The following DDX27 variants were observed in gnomAD, a reference collection of about 807,000 sequenced individuals.
DDX27 encodes DEAD-box helicase 27.
DDX27 carries 42 observed loss-of-function variants against 99.3 expected under a neutral mutation model. The observed-to-expected ratio is 0.42, with a 90% CI of 0.33 to 0.55. The LOEUF (loss-of-function observed/expected upper bound fraction) is 0.55, where lower values mean the gene tolerates loss of function less well. Ranked by LOEUF, DDX27 falls within the 20% of genes least tolerant of loss-of-function variation. The pLI, the probability that DDX27 is intolerant of heterozygous loss-of-function variation, is 0.07. For missense variants in DDX27, 798 were observed against 976.8 expected (o/e 0.82, Z 2.44); for synonymous variants, 329 against 353.8 (o/e 0.93, Z 0.79).
At chr20:49,225,021 G>A (rs757231433) in intron 5 of DDX27, 30 bp downstream of exon 5, 2 of 1,614,110 alleles carry the variant, frequency 1.2e-6, no homozygotes, top group Non-Finnish European at 1.7e-6. Context: ...ACAGTATGCA[G>A]CTTGTTGGCA....
chr20:49,223,195 G>A, intron 3 of DDX27, 73 bp from the exon 4 acceptor site: 19 of 1,505,398 alleles, frequency 1.3e-5, no homozygotes, highest in Non-Finnish European at 1.6e-5. Context: ...AGGCCGGAGA[G>A]CTTCCTATCG....
rs1980297794 is a variant in DDX27, at chr20:49,236,138, G to A, written c.1428-12G>A. 6.2e-7 allele frequency: 1 copy of A among 1,604,936 alleles called. No homozygotes were observed. Among genetic ancestry groups the A allele is most frequent in the African/African-American group, 1.3e-5 (1 of 74,648 alleles). On this transcript the variant is annotated splice_polypyrimidine_tract_variant and intron_variant, in intron 12 of 20. Coordinates refer to ENST00000618172, the MANE Select transcript of DDX27 (RefSeq NM_017895.8). The surrounding 1 kb of genome is among the most constrained non-coding windows in gnomAD (Gnocchi z 4.1). ...GGTGTCTGGATGAACAGCTGTTTGT[G>A]ACTGTTTCTAGGCGTTTTAAGGATG...
chr20:49,221,922 G>A (rs971412350), intron 2 of DDX27, among the ~76,000 whole-genome samples: 1 of 150,756 alleles, frequency 6.6e-6, no homozygotes, highest in Non-Finnish European at 1.5e-5. Context: ...CAGTGTCCCT[G>A]GTTCCCACAC....
intron 1 of DDX27, among the ~76,000 whole-genome samples, chr20:49,219,886 C>T (rs916253915): frequency 2.6e-5 from 4 of 152,096 alleles, no homozygotes; most frequent in Admixed American, 1.3e-4. Flanking sequence ...GTTAGCTGTC[C>T]TTTCGTATGT....
rs576696736 is a variant in DDX27, at chr20:49,227,151, C to T, written c.706+616C>T. Among the ~76,000 whole-genome samples, 35 of 152,022 alleles carry T rather than the reference C, an allele frequency of 2.3e-4. No homozygotes were observed. The East Asian group carries it at 2.3e-3, about 10-fold the overall frequency. ...TGCTGGGATTACAGGCGTGAGCCAC[C>T]GCGCCCGGCCGAGAGTAAAGGACTT... On this transcript the variant is annotated intron_variant, in intron 7 of 20. Transcript: ENST00000618172.
intron 4 of DDX27, among the ~76,000 whole-genome samples, chr20:49,224,123 C>T (rs370384853): frequency 1.3e-5 from 2 of 152,010 alleles, no homozygotes; most frequent in African/African-American, 2.4e-5. Context: ...GCAGTCCTCC[C>T]GCCTTGACCT....
chr20:49,236,880 G>A lies in DDX27; in HGVS notation c.1687+370G>A, dbSNP rs1370432960. On this transcript the variant is annotated intron_variant, in intron 14 of 20. Transcript: ENST00000618172. This position sits in a 1 kb window ranked among gnomAD's most constrained non-coding sequence, Gnocchi z 4.1. Reference sequence around the variant, plus strand: ...GATTTTGTTCCTCTGATCTGTGGGGGTCTTATAAAGCACATCCTCTTTAAA... The same window carrying A: ...GATTTTGTTCCTCTGATCTGTGGGGATCTTATAAAGCACATCCTCTTTAAA... 6.6e-6 allele frequency among the ~76,000 whole-genome samples: 1 copy of A among 152,062 alleles called. No homozygotes were observed. The highest frequency in any genetic ancestry group is 6.6e-5 in the Admixed American group (1 of 15,252).
chr20:49,242,616 G>A lies in DDX27; in HGVS notation c.2139G>A (p.Lys713=), dbSNP rs1332411305. The A allele has an allele frequency of 1.2e-6, 2 of 1,613,768 alleles. No homozygotes were observed. The highest frequency in any genetic ancestry group is 1.7e-6 in the Non-Finnish European group (2 of 1,179,860). ...RGPAKKQKQG[K]KSVFDEELTN... ...CAGCCAAGAAGCAAAAGCAGGGGAAGAAATCTGTATTTGATGAAGAACTCA... is the reference window on the plus strand; with the variant it reads ...CAGCCAAGAAGCAAAAGCAGGGGAAAAAATCTGTATTTGATGAAGAACTCA... Residue 713 remains lysine (K), a synonymous_variant, in exon 19 of 21, where the codon AAG becomes AAA. Transcript: ENST00000618172.
Position 49,226,534 on chromosome 20 carries a change from A to G in DDX27, c.705A>G (p.Thr235=). 1 of 1,613,378 alleles carries G rather than the reference A, an allele frequency of 6.2e-7. No individual in the cohort carries two copies. The highest frequency in any genetic ancestry group is 1.1e-5 in the South Asian group (1 of 90,976). ...TCTGTGCCTGTGCAGCCACTGGGAC[A>G]GGTGAAAAGGATAGGGACCCAGGGT... is the stretch of plus-strand genomic sequence containing the variant. ...KDICACAATG[T]GKTAAFALPV... Residue 235 remains threonine, a splice_region_variant and synonymous_variant, in exon 7 of 21, where the codon ACA becomes ACG. Transcript: ENST00000618172.
Position 49,243,956 on chromosome 20 carries a change from C to A in DDX27, c.*122C>A. The A allele has an allele frequency of 2.5e-6, 3 of 1,219,614 alleles. No homozygotes were observed. Among genetic ancestry groups the A allele is most frequent in the Non-Finnish European group, 2.3e-6 (2 of 863,554 alleles). The allele number at this position is 1,219,614 out of a possible 1,614,324, so 75.5% of individuals were successfully genotyped here. On this transcript the variant is annotated 3_prime_UTR_variant, in exon 21 of 21. Coordinates refer to ENST00000618172, the MANE Select transcript of DDX27 (RefSeq NM_017895.8). ...AAAAAAACAAAAACAAAAAACAACACTTTGGTGTGGTGGTATGGTACGTAG... is the reference window on the plus strand; with the variant it reads ...AAAAAAACAAAAACAAAAAACAACAATTTGGTGTGGTGGTATGGTACGTAG...
At chr20:49,222,520 A>T (rs528158100) in intron 2 of DDX27, among the ~76,000 whole-genome samples, 25 of 145,610 alleles carry the variant, frequency 1.7e-4, no homozygotes, top group African/African-American at 5.3e-4. Context: ...GATTAAAAAA[A>T]TTTTTTTTTT....
Position 49,219,556 on chromosome 20 carries a change from C to T in DDX27, c.93+15C>T. 6.3e-7 allele frequency: 1 copy of T among 1,599,288 alleles called. No individual in the cohort carries two copies. The highest frequency in any genetic ancestry group is 8.5e-7 in the Non-Finnish European group (1 of 1,170,910). Reference sequence around the variant, plus strand: ...AGGAAGAGGAGGTATGAGCACGGTTCTGGTCTTTGGGTTTCCTTGACTGCT... The same window carrying T: ...AGGAAGAGGAGGTATGAGCACGGTTTTGGTCTTTGGGTTTCCTTGACTGCT... On this transcript the variant is annotated intron_variant, in intron 1 of 20. Transcript: ENST00000618172.
Position 49,230,180 on chromosome 20 carries a change from G to A in DDX27, c.881-19G>A, listed in dbSNP as rs1253133269. Reference sequence around the variant, plus strand: ...AGCAGCTGACCTGGCCGCCTGGTGGGGCTCTCTTCTCTTTGCAGGCGGCTT... The same window carrying A: ...AGCAGCTGACCTGGCCGCCTGGTGGAGCTCTCTTCTCTTTGCAGGCGGCTT... On this transcript the variant is annotated intron_variant, in intron 8 of 20. Transcript: ENST00000618172. 2.5e-6 allele frequency: 4 copies of A among 1,602,188 alleles called. No individual in the cohort carries two copies. The highest frequency in any genetic ancestry group is 1.7e-4 in the Middle Eastern group (1 of 5,992).
At chr20:49,241,751 G>A (rs958865391) in intron 16 of DDX27, 142 bp from the exon 17 acceptor site, 11 of 867,068 alleles carry the variant, frequency 1.3e-5, no homozygotes, top group African/African-American at 8.5e-5. Context: ...CTACAGGCAC[G>A]AGCTACTGCA....
At chr20:49,233,863 T>C in intron 11 of DDX27, 154 bp downstream of exon 11, 1 of 791,626 alleles carries the variant, frequency 1.3e-6, no homozygotes, top group Non-Finnish European at 2.0e-6. Flanking sequence ...CCGCTGCCTC[T>C]CTTCTCCACG....
intron 11 of DDX27, 130 bp from the exon 12 acceptor site, chr20:49,234,805 T>C (rs910075639): frequency 1.5e-5 from 16 of 1,096,300 alleles, no homozygotes; most frequent in Non-Finnish European, 1.4e-5. Flanking sequence ...GAATTTGAGT[T>C]CCACAGGACA....
chr20:49,225,224 T>G, intron 6 of DDX27, 25 bp downstream of exon 6: 1 of 1,589,586 alleles, frequency 6.3e-7, no homozygotes, highest in Non-Finnish European at 8.6e-7. Context: ...TCAAAAATTT[T>G]CTTTGTAGAA....
intron 16 of DDX27, among the ~76,000 whole-genome samples, chr20:49,239,575 A>T (rs1290454903): frequency 1.3e-5 from 2 of 152,164 alleles, no homozygotes; most frequent in Non-Finnish European, 2.9e-5. Flanking sequence ...TAGTGCTCTT[A>T]TGAGAATCTA....
intron 7 of DDX27, among the ~76,000 whole-genome samples, chr20:49,227,061 A>C (rs1198843668): frequency 2.7e-5 from 4 of 149,752 alleles, no homozygotes; most frequent in Admixed American, 6.7e-5. Flanking sequence ...ACGGGGTTTC[A>C]CCGTTTTAGC....
Sources: allele counts gnomAD v4.1 joint callset (sites outside exome capture counted in the v4.1 genomes callset), GRCh38; gene constraint gnomAD v4.1.1; non-coding constraint Gnocchi (gnomAD v3.1); transcripts MANE v1.5; gene names NCBI Gene and HGNC (gene_info 2026-07-23, HGNC 2026-07-21).